SLF1: variants seen among roughly 807,000 people sequenced by gnomAD.
SLF1 encodes SMC5-SMC6 complex localization factor protein 1.
Under a neutral mutation model 123.0 loss-of-function variants are expected in SLF1, and 105 were observed. That is an observed-to-expected ratio of 0.85 (90% CI 0.73 to 1.00). SLF1 has a LOEUF of 1.00. SLF1 is among the 50% of genes least tolerant of loss of function. The pLI is 0.00. For synonymous variants in SLF1, 434 were observed against 406.6 expected, an observed-to-expected ratio of 1.07 and a Z score of -0.81; for missense variants, 1,239 against 1,223.0, an observed-to-expected ratio of 1.01 and a Z score of -0.20.
intron 14 of SLF1, among the ~76,000 whole-genome samples, chr5:94,674,258 A>G (rs942607558): frequency 6.6e-6 from 1 of 152,212 alleles, no homozygotes; most frequent in African/African-American, 2.4e-5. Context: ...TCTTCAAGGG[A>G]CTATCACAGA....
In SLF1 at chr5:94,671,008, T is replaced by C; in HGVS notation, c.1827T>C (p.Asp609=). 6.6e-7 allele frequency: 1 copy of C among 1,517,282 alleles called. No individual in the cohort carries two copies. Among genetic ancestry groups the C allele is most frequent in the African/African-American group, 1.4e-5 (1 of 72,278 alleles). The allele number at this position is 1,517,282 out of a possible 1,614,324, so 94.0% of individuals were successfully genotyped here. The part of the protein sequence containing the change: ...YSHKEKFKSN[D]VFKHELAYLL... ...ACAAGGAAAAATTCAAGTCTAATGATGTAAGTAGGATTAATTTATAGATGA... is the reference window on the plus strand; with the variant it reads ...ACAAGGAAAAATTCAAGTCTAATGACGTAAGTAGGATTAATTTATAGATGA... Residue 609 remains aspartate (D), a splice_region_variant and synonymous_variant, in exon 14 of 21, where the codon GAT becomes GAC. Transcript: ENST00000265140.
chr5:94,682,353 G>A (rs1401725951), intron 15 of SLF1, among the ~76,000 whole-genome samples: 4 of 151,132 alleles, frequency 2.6e-5, no homozygotes, highest in South Asian at 2.1e-4. Flanking sequence ...TTTTCTCTGC[G>A]GATATTCCTT....
chr5:94,663,604 C>A, intron 10 of SLF1, 146 bp from the exon 11 acceptor site: 1 of 690,960 alleles, frequency 1.4e-6, no homozygotes, highest in Non-Finnish European at 2.3e-6. Context: ...GAGATCGCAC[C>A]ACTGCATTCC....
At chr5:94,684,772 A>G (rs1752227624) in intron 15 of SLF1, among the ~76,000 whole-genome samples, 1 of 151,724 alleles carries the variant, frequency 6.6e-6, no homozygotes, top group Non-Finnish European at 1.5e-5. Context: ...ATTCAGTGAT[A>G]ATATATCTGT....
chr5:94,635,577 A>G (rs927406694), intron 4 of SLF1, among the ~76,000 whole-genome samples: 3 of 146,268 alleles, frequency 2.1e-5, no homozygotes, highest in Admixed American at 1.4e-4. Flanking sequence ...ATTCCCTTCT[A>G]CTTATGTTTT....
chr5:94,639,037 CTTTTTTTTTTTT>C (rs764031689), intron 4 of SLF1, among the ~76,000 whole-genome samples: 2 of 88,958 alleles, frequency 2.2e-5, no homozygotes, highest in African/African-American at 4.9e-5. Flanking sequence ...CTTTTCTTCC[CTTTTTTTTTTTT>C]TTTTTTTTTG....
At chr5:94,637,227 T>A (rs556152255) in intron 4 of SLF1, among the ~76,000 whole-genome samples, 6 of 152,166 alleles carry the variant, frequency 3.9e-5, no homozygotes, top group African/African-American at 1.4e-4. Flanking sequence ...TTTCACTGTT[T>A]AGTGATCACT....
In SLF1 at chr5:94,695,912, G is replaced by A. The variant is rs1000616126; in HGVS notation, c.*600G>A. Reference sequence around the variant, plus strand: ...TTTTTAAATGCAGCAAATATGCAGAGTCTGACAGTTCAATTCCTTGATCTG... The same window carrying A: ...TTTTTAAATGCAGCAAATATGCAGAATCTGACAGTTCAATTCCTTGATCTG... On this transcript the variant is annotated 3_prime_UTR_variant, in exon 21 of 21. Coordinates refer to ENST00000265140, the MANE Select transcript of SLF1 (RefSeq NM_032290.4). 1.9e-4 allele frequency: 29 copies of A among 151,806 alleles called. No homozygotes were observed. Among genetic ancestry groups the A allele is most frequent in the Admixed American group, 3.9e-4 (6 of 15,196 alleles). The allele number at this position is 151,806 out of a possible 1,614,324, so 9.4% of individuals were successfully genotyped here.
chr5:94,651,645 G>T (rs1215522608), intron 6 of SLF1, 57 bp from the exon 7 acceptor site: 2 of 1,362,670 alleles, frequency 1.5e-6, no homozygotes, highest in Non-Finnish European at 1.9e-6. Context: ...TGTGTTGATT[G>T]TGTTAAGGCT....
intron 1 of SLF1, among the ~76,000 whole-genome samples, chr5:94,623,584 A>G (rs17083827): frequency 0.22 from 33,737 of 151,758 alleles, 3,869 homozygotes; most frequent in East Asian, 0.34. Flanking sequence ...AATTTTTCTA[A>G]AAATAACCAC....
intron 1 of SLF1, among the ~76,000 whole-genome samples, chr5:94,622,931 G>A (rs1450223586): frequency 6.6e-6 from 1 of 151,892 alleles, no homozygotes; most frequent in Non-Finnish European, 1.5e-5. Context: ...CATTTTTGTA[G>A]CACCTTCCGC....
chr5:94,664,002 C>T (rs1749443934), intron 11 of SLF1, 94 bp downstream of exon 11: 1 of 1,261,456 alleles, frequency 7.9e-7, no homozygotes, highest in Non-Finnish European at 1.1e-6. Context: ...GTTTATTTTC[C>T]CTGTTCAGTG....
At chr5:94,665,685 G>A (rs1749668625) in intron 11 of SLF1, among the ~76,000 whole-genome samples, 176 bp from the exon 12 acceptor site, 2 of 152,148 alleles carry the variant, frequency 1.3e-5, no homozygotes, top group Admixed American at 6.5e-5. Flanking sequence ...CCCAGGAGGC[G>A]GAGGTTGAGG....
chr5:94,650,403 C>T (rs1747557875), intron 6 of SLF1, among the ~76,000 whole-genome samples: 2 of 149,978 alleles, frequency 1.3e-5, no homozygotes, highest in African/African-American at 4.9e-5. Flanking sequence ...TGCTGTTTCG[C>T]CCAGGCTGGA....
rs1753456296 is a variant in SLF1, at chr5:94,695,406, GATTT to G, written c.*102_*105del. ...ATAGCTTACTGACAGATAGTAATTT[GATTT>G]ATTTATTGACAGACTTTGCAGCCTT... On this transcript the variant is annotated 3_prime_UTR_variant, in exon 21 of 21. Coordinates refer to ENST00000265140, the MANE Select transcript of SLF1 (RefSeq NM_032290.4). 2 of 1,348,356 alleles carry G rather than the reference GATTT, an allele frequency of 1.5e-6. No homozygotes were observed. The highest frequency in any genetic ancestry group is 5.5e-5 in the Admixed American group (2 of 36,690). The allele number at this position is 1,348,356 out of a possible 1,614,324, so 83.5% of individuals were successfully genotyped here.
chr5:94,670,312 A>G, intron 13 of SLF1, 33 bp downstream of exon 13: 2 of 1,416,848 alleles, frequency 1.4e-6, no homozygotes, highest in East Asian at 2.9e-5. Flanking sequence ...ACACTTTTCT[A>G]AATTTTGGTT....
chr5:94,681,936 CA>C (rs1299380775), intron 15 of SLF1, among the ~76,000 whole-genome samples: 4 of 151,912 alleles, frequency 2.6e-5, no homozygotes, highest in Non-Finnish European at 5.9e-5. Flanking sequence ...TTCTCAACAA[CA>C]AAAAATAATG....
In SLF1 at chr5:94,670,175, T is replaced by C. The variant is rs1750281199; in HGVS notation, c.1557T>C (p.Phe519=). 1.3e-6 allele frequency: 2 copies of C among 1,537,930 alleles called. No homozygotes were observed. Among genetic ancestry groups the C allele is most frequent in the African/African-American group, 1.4e-5 (1 of 72,460 alleles). ...GGTCTTGCCTTTTCAATGAAAGCTT[T>C]TGTCATCAAATTTCAGAAAATATTG... ...LIRSCLFNES[F]CHQISENIGS... is the part of the protein sequence containing the mutation. Residue 519 remains phenylalanine, a synonymous_variant, in exon 13 of 21, where the codon TTT becomes TTC. Coordinates refer to ENST00000265140, the MANE Select transcript of SLF1 (RefSeq NM_032290.4).
chr5:94,672,156 A>G (rs1425123888), intron 14 of SLF1, among the ~76,000 whole-genome samples: 9 of 152,106 alleles, frequency 5.9e-5, no homozygotes, highest in African/African-American at 2.2e-4. Context: ...TGCTAATGAC[A>G]CCTTATTATT....
Sources: gnomAD v4.1 joint callset for allele counts (sites outside exome capture counted in the v4.1 genomes callset) on GRCh38, gnomAD v4.1.1 for gene constraint, MANE v1.5 for transcripts, NCBI Gene and HGNC (gene_info 2026-07-23, HGNC 2026-07-21) for gene names.